Variants in ARHGAP28 observed in about 807,000 individuals in gnomAD.
ARHGAP28 encodes rho GTPase-activating protein 28.
Under a neutral mutation model 90.7 loss-of-function variants are expected in ARHGAP28, and 56 were observed. The ratio of observed to expected loss-of-function variants is 0.62; its 90% CI spans 0.50 to 0.77. ARHGAP28 has a LOEUF of 0.77. ARHGAP28 is among the 30% of genes least tolerant of loss of function. The pLI is 0.00. For missense variants in ARHGAP28, 869 were observed against 900.9 expected, an observed-to-expected ratio of 0.96 and a Z score of 0.45; for synonymous variants, 308 against 323.3, an observed-to-expected ratio of 0.95 and a Z score of 0.51.
At chr18:6,747,865 C>T (rs544494958) in intron 1 of ARHGAP28, among the ~76,000 whole-genome samples, 1 of 152,290 alleles carries the variant, frequency 6.6e-6, no homozygotes, top group South Asian at 2.1e-4. Context: ...TCTGTGTTTA[C>T]CTTGGCTTGT....
intron 3 of ARHGAP28, among the ~76,000 whole-genome samples, chr18:6,842,221 C>T (rs1044140499): frequency 6.6e-6 from 1 of 152,044 alleles, no homozygotes; most frequent in Non-Finnish European, 1.5e-5. Flanking sequence ...GTTGCGGTGG[C>T]ACGTACCTGC....
intron 1 of ARHGAP28, among the ~76,000 whole-genome samples, chr18:6,741,760 T>A (rs2055979569): frequency 6.6e-6 from 1 of 152,242 alleles, no homozygotes; most frequent in Admixed American, 6.5e-5. Flanking sequence ...TTCTTGCTTT[T>A]GTCTCTTTTA....
At chr18:6,818,280 A>G (rs191516105) in intron 1 of ARHGAP28, among the ~76,000 whole-genome samples, 2 of 152,320 alleles carry the variant, frequency 1.3e-5, no homozygotes, top group East Asian at 3.9e-4. Flanking sequence ...CTTCTCTGCT[A>G]TAAAAATATT....
At chr18:6,905,096 A>G (rs2143838959) in intron 16 of ARHGAP28, among the ~76,000 whole-genome samples, 1 of 152,210 alleles carries the variant, frequency 6.6e-6, no homozygotes, top group Non-Finnish European at 1.5e-5. Context: ...GATACCAAAA[A>G]AAAGCCATAA....
chr18:6,861,534 G>A (rs1600257525), intron 5 of ARHGAP28, among the ~76,000 whole-genome samples: 1 of 151,984 alleles, frequency 6.6e-6, no homozygotes, highest in South Asian at 2.1e-4. Flanking sequence ...ACCCCTTGTC[G>A]GCCTCTGTAG....
intron 1 of ARHGAP28, among the ~76,000 whole-genome samples, chr18:6,801,671 A>G (rs1282901286): frequency 6.6e-6 from 1 of 152,144 alleles, no homozygotes; most frequent in East Asian, 1.9e-4. Context: ...AGTACCTAAG[A>G]TAATTTAATA....
intron 1 of ARHGAP28, among the ~76,000 whole-genome samples, chr18:6,818,585 C>T (rs756651706): frequency 6.6e-6 from 1 of 152,028 alleles, no homozygotes; most frequent in Non-Finnish European, 1.5e-5. Flanking sequence ...CAGGGAACCC[C>T]GAGAGCTGAG....
At chr18:6,869,887 C>T (rs1042602392) in intron 6 of ARHGAP28, among the ~76,000 whole-genome samples, 1 of 152,134 alleles carries the variant, frequency 6.6e-6, no homozygotes, top group Middle Eastern at 3.2e-3. Flanking sequence ...TAGGATCGCT[C>T]AAATGATTTA....
intron 13 of ARHGAP28, 38 bp downstream of exon 13, chr18:6,890,123 C>T (rs1290073062): frequency 6.2e-7 from 1 of 1,606,320 alleles, no homozygotes; most frequent in Non-Finnish European, 8.5e-7. Flanking sequence ...CCTCAGAAGT[C>T]CATGTCCCCA....
At position 6,731,272 on chromosome 18, in the gene ARHGAP28, A is replaced by C. The variant is rs974768325; in HGVS notation, c.122+1329A>C. Among the ~76,000 whole-genome samples the C allele has an allele frequency of 2.8e-5, 4 of 144,248 alleles. No homozygotes were observed. In the East Asian group the frequency reaches 6.3e-4, roughly 23 times the overall value. The allele number at this position is 144,248 out of a possible 152,430, so 94.6% of individuals were successfully genotyped here. A position where few individuals can be genotyped will look rare whatever the true frequency, so the allele number is the denominator to read the frequency against. On this transcript the variant is annotated intron_variant, in intron 1 of 17. Transcript: ENST00000383472. Reference sequence around the variant, plus strand: ...AAGTACTCAGATTATGACTAACTAAATAAATATATATATGTGTGCGTGTGT... The same window carrying C: ...AAGTACTCAGATTATGACTAACTAACTAAATATATATATGTGTGCGTGTGT...
chr18:6,870,811 T>G (rs1000678594), intron 7 of ARHGAP28, 79 bp downstream of exon 7: 3 of 1,461,934 alleles, frequency 2.1e-6, no homozygotes, highest in Non-Finnish European at 2.8e-6. Flanking sequence ...TTTTCTTTTT[T>G]TTTTTTGAGA....
At chr18:6,808,372 A>AT (rs1270052347) in intron 1 of ARHGAP28, among the ~76,000 whole-genome samples, 1 of 151,672 alleles carries the variant, frequency 6.6e-6, no homozygotes, top group Non-Finnish European at 1.5e-5. Context: ...CTGTTTTAAC[A>AT]TTTTTTCTGC....
chr18:6,755,212 T>C (rs1453620440), intron 1 of ARHGAP28, among the ~76,000 whole-genome samples: 1 of 152,070 alleles, frequency 6.6e-6, no homozygotes, highest in Non-Finnish European at 1.5e-5. Flanking sequence ...AGAATTTTAA[T>C]GTGATATGGA....
intron 3 of ARHGAP28, among the ~76,000 whole-genome samples, chr18:6,847,559 G>A (rs542383016): frequency 6.6e-6 from 1 of 151,846 alleles, no homozygotes; most frequent in East Asian, 1.9e-4. Flanking sequence ...TACCTTTTTC[G>A]AATCTAACCA....
At chr18:6,907,561 C>A (rs2057370971) in intron 16 of ARHGAP28, among the ~76,000 whole-genome samples, 1 of 152,122 alleles carries the variant, frequency 6.6e-6, no homozygotes, top group Non-Finnish European at 1.5e-5. Context: ...ATGTTTCATA[C>A]TGTGTGTTTC....
At chr18:6,827,836 C>T (rs1021357224) in intron 2 of ARHGAP28, among the ~76,000 whole-genome samples, 15 of 151,514 alleles carry the variant, frequency 9.9e-5, no homozygotes, top group African/African-American at 1.5e-4. Flanking sequence ...GGGTCGCGGC[C>T]GGACAGAGGC....
At chr18:6,777,080 T>G (rs2056289770) in intron 1 of ARHGAP28, among the ~76,000 whole-genome samples, 1 of 152,180 alleles carries the variant, frequency 6.6e-6, no homozygotes, top group Non-Finnish European at 1.5e-5. Context: ...TCAACATGAC[T>G]CTTGCAAGGG....
intron 16 of ARHGAP28, among the ~76,000 whole-genome samples, chr18:6,902,597 G>A (rs1320521229): frequency 6.6e-6 from 1 of 152,086 alleles, no homozygotes; most frequent in Non-Finnish European, 1.5e-5. Flanking sequence ...TGAATTCAAA[G>A]AACTGATAAT....
rs546248598 is a variant in ARHGAP28, at chr18:6,891,268, C to T, written c.1848+725C>T. Among the ~76,000 whole-genome samples the T allele has an allele frequency of 5.3e-5, 8 of 151,888 alleles. No individual in the cohort carries two copies. The South Asian group carries it at 6.2e-4, about 12-fold the overall frequency. Reference sequence around the variant, plus strand: ...GCAGAGGACAAGGAATGTGCTCTAGCGTGGGAGACTGTGGATGGCTTCATT... The same window carrying T: ...GCAGAGGACAAGGAATGTGCTCTAGTGTGGGAGACTGTGGATGGCTTCATT... On this transcript the variant is annotated intron_variant, in intron 14 of 17. Coordinates refer to ENST00000383472, the MANE Select transcript of ARHGAP28 (RefSeq NM_001366230.1).
Sources: allele counts gnomAD v4.1 joint callset (sites outside exome capture counted in the v4.1 genomes callset), GRCh38; gene constraint gnomAD v4.1.1; transcripts MANE v1.5; gene names NCBI Gene and HGNC (gene_info 2026-07-23, HGNC 2026-07-21).